ZNF486: variants seen among roughly 807,000 people sequenced by gnomAD.
ZNF486 encodes the protein KRAB box only protein 2.
In ZNF486, 12 loss-of-function variants were observed where a neutral mutation model predicts 12.8. The ratio of observed to expected loss-of-function variants is 0.94; its 90% CI spans 0.60 to 1.52. ZNF486 has a LOEUF of 1.52. Among genes scored for constraint, ZNF486 ranks in the 40% most tolerant of loss-of-function variants. The probability of loss-of-function intolerance (pLI) is 0.00; values close to 1 mark genes in which losing one functional copy is unlikely to be tolerated. For missense variants in ZNF486, 738 were observed against 545.0 expected (o/e 1.35, Z -3.53); for synonymous variants, 231 against 184.9 (o/e 1.25, Z -2.02).
At chr19:20,179,641 A>T (rs888564815) in intron 1 of ZNF486, among the ~76,000 whole-genome samples, 5 of 148,828 alleles carry the variant, frequency 3.4e-5, no homozygotes, top group South Asian at 2.1e-4. Flanking sequence ...CCTGGGATTT[A>T]AAAAAAAAAG....
At chr19:20,172,888 G>A (rs879982786) in intron 1 of ZNF486, among the ~76,000 whole-genome samples, 11 of 152,050 alleles carry the variant, frequency 7.2e-5, no homozygotes, top group South Asian at 2.1e-4. Flanking sequence ...TGATACACCC[G>A]CCTTGGCCTC....
chr19:20,179,313 A>G (rs1455114224), intron 1 of ZNF486, among the ~76,000 whole-genome samples: 8 of 152,196 alleles, frequency 5.3e-5, no homozygotes, highest in East Asian at 1.9e-4. Flanking sequence ...ACTTTTGACA[A>G]ACAACTCTGC....
intron 1 of ZNF486, among the ~76,000 whole-genome samples, chr19:20,182,635 G>A (rs1555715755): frequency 1.3e-5 from 2 of 151,742 alleles, no homozygotes; most frequent in African/African-American, 4.8e-5. Flanking sequence ...TCCATTACTG[G>A]AAATTGCTGG....
rs574493707 is a variant in ZNF486 at position 20,176,905 on chromosome 19, C to T, written c.31-7451C>T. ...TTAAGCTAGGCTGTCACAGTGAGAA[C>T]TTTTGGAGCTATCTCTATCTGGACT... is the stretch of plus-strand genomic sequence containing the variant. On this transcript the variant is annotated intron_variant, in intron 1 of 3. Transcript: ENST00000335117. 4 of 152,380 alleles carry T rather than the reference C, an allele frequency of 2.6e-5. No individual in the cohort carries two copies. In the South Asian group the frequency reaches 6.2e-4, roughly 24 times the overall value. The allele number at this position is 152,380 out of a possible 1,614,324, so 9.4% of individuals were successfully genotyped here.
intron 3 of ZNF486, among the ~76,000 whole-genome samples, chr19:20,189,807 A>G (rs113402491): frequency 9.9e-5 from 15 of 151,166 alleles, no homozygotes; most frequent in Admixed American, 2.6e-4. Context: ...TTTGATGTAC[A>G]GAAATTTTGA....
chr19:20,183,919 T>C (rs1183337606), intron 1 of ZNF486, among the ~76,000 whole-genome samples: 1 of 150,282 alleles, frequency 6.7e-6, no homozygotes, highest in Non-Finnish European at 1.5e-5. Flanking sequence ...ATTCAAAAAA[T>C]CAGACTTTAT....
At chr19:20,184,020 T>G (rs2089814817) in intron 1 of ZNF486, among the ~76,000 whole-genome samples, 1 of 152,194 alleles carries the variant, frequency 6.6e-6, no homozygotes, top group Non-Finnish European at 1.5e-5. Flanking sequence ...TAACTCAACA[T>G]GTCTTTTCTG....
chr19:20,174,739 T>G (rs1446772051), intron 1 of ZNF486, among the ~76,000 whole-genome samples: 1 of 152,252 alleles, frequency 6.6e-6, no homozygotes, highest in Non-Finnish European at 1.5e-5. Context: ...AATGAATCAC[T>G]TAAATGGTTA....
At chr19:20,175,350 T>TTTTTTTTTTTTTA (rs1296618035) in intron 1 of ZNF486, 2 of 142,172 alleles carry the variant, frequency 1.4e-5, no homozygotes, top group East Asian at 2.1e-4. Flanking sequence ...TTTTTTTTTT[T>TTTTTTTTTTTTTA]ATTGATCATT....
intron 1 of ZNF486, among the ~76,000 whole-genome samples, chr19:20,181,610 G>T (rs948701660): frequency 6.6e-6 from 1 of 151,064 alleles, no homozygotes. Context: ...TTCTGTTAAA[G>T]CCAGTGTTTG....
intron 3 of ZNF486, among the ~76,000 whole-genome samples, chr19:20,193,116 CTTAAAG>C (rs1485158219): frequency 6.6e-6 from 1 of 151,924 alleles, no homozygotes; most frequent in Non-Finnish European, 1.5e-5. Flanking sequence ...TTACATACAT[CTTAAAG>C]TTAAAACAAT....
intron 3 of ZNF486, among the ~76,000 whole-genome samples, chr19:20,195,685 T>A (rs1938992182): frequency 6.6e-6 from 1 of 152,188 alleles, no homozygotes; most frequent in Non-Finnish European, 1.5e-5. Context: ...GGCTAGAGAT[T>A]CTGGGAATTT....
rs1555718255 is a variant in ZNF486, at chr19:20,197,605, T to A, written c.895T>A (p.Cys299Ser). Reference sequence around the variant, plus strand: ...AGAGCAACCCTACAAATGTAAAGAATGTGACAAAGCTTTTAACCATCCTGC... The same window carrying A: ...AGAGCAACCCTACAAATGTAAAGAAAGTGACAAAGCTTTTAACCATCCTGC... ...TGEQPYKCKE[C>S]DKAFNHPATL... Residue 299 changes from cysteine to serine, a missense_variant, in exon 4 of 4, where the codon TGT (cysteine) becomes AGT (serine). By Grantham distance (112) the Cys-to-Ser change is moderately radical (BLOSUM62 -1). Transcript: ENST00000335117. The A allele has an allele frequency of 6.2e-7, 1 of 1,613,666 alleles. No individual in the cohort carries two copies. Among genetic ancestry groups the A allele is most frequent in the Non-Finnish European group, 8.5e-7 (1 of 1,179,816 alleles).
intron 1 of ZNF486, among the ~76,000 whole-genome samples, chr19:20,182,789 G>A (rs782519550): frequency 9.9e-5 from 15 of 152,260 alleles, no homozygotes; most frequent in Non-Finnish European, 1.9e-4. Flanking sequence ...GCCAGTTGAT[G>A]TCATGCCAGC....
At chr19:20,185,705 G>T (rs553697418) in intron 2 of ZNF486, among the ~76,000 whole-genome samples, 37 of 151,064 alleles carry the variant, frequency 2.4e-4, no homozygotes, top group Non-Finnish European at 4.6e-4. Flanking sequence ...ACTGCAACTG[G>T]CCCTATTTAT....
In ZNF486 at chr19:20,197,801, A is replaced by G. The variant is rs2089975588; in HGVS notation, c.1091A>G (p.His364Arg). 1.2e-6 allele frequency: 2 copies of G among 1,613,296 alleles called. No individual in the cohort carries two copies. The highest frequency in any genetic ancestry group is 1.7e-6 in the Non-Finnish European group (2 of 1,179,840). The change falls in exon 4 of 4, where the codon CAC (histidine) becomes CGC (arginine). Residue 364 changes from histidine to arginine, a missense_variant. Transcript: ENST00000335117. The part of the protein sequence containing the change: ...ECGKAFTRSS[H>R]LTMHKIIHTG... ...GGCAAAGCCTTCACCCGCTCCTCAC[A>G]CCTTACTATGCATAAGATAATTCAT...
At chr19:20,180,521 T>TA (rs782693015) in intron 1 of ZNF486, among the ~76,000 whole-genome samples, 1 of 152,230 alleles carries the variant, frequency 6.6e-6, no homozygotes, top group Non-Finnish European at 1.5e-5. Flanking sequence ...TTTATGCCGT[T>TA]ATGACTTCTG....
At chr19:20,188,112 T>C (rs2089868330) in intron 3 of ZNF486, among the ~76,000 whole-genome samples, 1 of 152,160 alleles carries the variant, frequency 6.6e-6, no homozygotes, top group Non-Finnish European at 1.5e-5. Flanking sequence ...ATGGCTTTTA[T>C]TGAGTATCAG....
At chr19:20,196,379 A>T (rs904596265) in intron 3 of ZNF486, among the ~76,000 whole-genome samples, 9 of 152,192 alleles carry the variant, frequency 5.9e-5, no homozygotes, top group Admixed American at 1.3e-4. Context: ...CCCAGGCCGG[A>T]GTGCAGTGGT....
Sources: allele counts gnomAD v4.1 joint callset (sites outside exome capture counted in the v4.1 genomes callset), GRCh38; gene constraint gnomAD v4.1.1; transcripts MANE v1.5; gene names NCBI Gene and HGNC (gene_info 2026-07-23, HGNC 2026-07-21).